Variants in ZNF10 observed in about 807,000 individuals in gnomAD.
The protein encoded by ZNF10 is zinc finger protein 10 (KOX 1).
In ZNF10, 8 loss-of-function variants were observed where a neutral mutation model predicts 12.2. That is an observed-to-expected ratio of 0.66 (90% CI 0.39 to 1.18). The LOEUF (loss-of-function observed/expected upper bound fraction) is 1.18. Ranked by LOEUF, ZNF10 falls within the 50% of genes most tolerant of loss-of-function variation. The probability of loss-of-function intolerance (pLI) is 0.01; values close to 1 mark genes in which losing one functional copy is unlikely to be tolerated. For missense variants in ZNF10, 603 were observed against 678.9 expected (o/e 0.89, Z 1.24); for synonymous variants, 229 against 228.2 (o/e 1.00, Z -0.03).
chr12:133,150,224 T>C (rs1955999430), intron 2 of ZNF10, among the ~76,000 whole-genome samples: 1 of 152,242 alleles, frequency 6.6e-6, no homozygotes, highest in Admixed American at 6.5e-5. Context: ...CCTGAAGAAC[T>C]TCCTTCAGCA....
chr12:133,150,612 T>G (rs1014146706), intron 2 of ZNF10, among the ~76,000 whole-genome samples: 3 of 152,132 alleles, frequency 2.0e-5, no homozygotes, highest in Admixed American at 6.5e-5. Flanking sequence ...GAAAAATGTT[T>G]TGGATAATTA....
chr12:133,146,349 T>TA (rs1264878574), intron 2 of ZNF10, among the ~76,000 whole-genome samples: 4 of 152,094 alleles, frequency 2.6e-5, no homozygotes, highest in African/African-American at 9.7e-5. Context: ...TTTGGTATAA[T>TA]CCACACAGCT....
chr12:133,133,555 T>C (rs541177160), intron 1 of ZNF10, among the ~76,000 whole-genome samples: 1 of 152,346 alleles, frequency 6.6e-6, no homozygotes, highest in Admixed American at 6.5e-5. Context: ...GAATAGGGCA[T>C]GGGCAGAGTC....
At chr12:133,132,262 T>C (rs1354647643) in intron 1 of ZNF10, among the ~76,000 whole-genome samples, 1 of 140,428 alleles carries the variant, frequency 7.1e-6, no homozygotes. Context: ...GTCAAGAAAA[T>C]CTGAGAATTT....
At chr12:133,153,155 G>A (rs927644958) in intron 4 of ZNF10, among the ~76,000 whole-genome samples, 2 of 151,802 alleles carry the variant, frequency 1.3e-5, no homozygotes, top group Non-Finnish European at 2.9e-5. Flanking sequence ...GGACCCAGCA[G>A]TTTATATTTT....
In ZNF10 at chr12:133,156,070, G is replaced by T. The variant is rs1417703587; in HGVS notation, c.824G>T (p.Ser275Ile). Residue 275 changes from serine to isoleucine, a missense_variant, in exon 5 of 5, where the codon AGC (serine) becomes ATC (isoleucine). Transcript: ENST00000248211. Reference sequence around the variant, plus strand: ...TGTAAGGAATGTGGAAAATTCTTCAGCTGGCGCTCTAATCTTACTAGGCAT... The same window carrying T: ...TGTAAGGAATGTGGAAAATTCTTCATCTGGCGCTCTAATCTTACTAGGCAT... ...YECKECGKFF[S>I]WRSNLTRHQL... The T allele has an allele frequency of 1.9e-6, 3 of 1,613,296 alleles. No individual in the cohort carries two copies. In the Admixed American group the frequency reaches 5.0e-5, roughly 27 times the overall value.
rs1368083794 is a variant in ZNF10, at chr12:133,158,244, A to G, written c.*1276A>G. 2 of 152,214 alleles carry G rather than the reference A, an allele frequency of 1.3e-5. No individual in the cohort carries two copies. Among genetic ancestry groups the G allele is most frequent in the Non-Finnish European group, 2.9e-5 (2 of 68,024 alleles). The allele number at this position is 152,214 out of a possible 1,614,324, so 9.4% of individuals were successfully genotyped here. On this transcript the variant is annotated 3_prime_UTR_variant, in exon 5 of 5. Transcript: ENST00000248211. Reference sequence around the variant, plus strand: ...CTTAGAATAGTGCCTGACATATATTATGTTCTCTGTAGTTACTGGCTGTGA... The same window carrying G: ...CTTAGAATAGTGCCTGACATATATTGTGTTCTCTGTAGTTACTGGCTGTGA...
rs539008243 is a variant in ZNF10 at position 133,155,023 on chromosome 12, A to G, written c.257-480A>G. On this transcript the variant is annotated intron_variant, in intron 4 of 4. Transcript: ENST00000248211. ...AACCTGGGAGGCGGAGGTTGCATTG[A>G]GCCAAGATTGTGTCATTGCACTCCA... Among the ~76,000 whole-genome samples, 5 of 151,986 alleles carry G rather than the reference A, an allele frequency of 3.3e-5. No individual in the cohort carries two copies. In the South Asian group the frequency reaches 1.0e-3, roughly 32 times the overall value.
Position 133,151,105 on chromosome 12 carries a change from C to G in ZNF10, c.111C>G (p.Ile37Met), listed in dbSNP as rs770889593. ...AGCTGCTGGACACTGCTCAGCAGATCGTGTACAGAAATGTGATGCTGGAGA... is the reference window on the plus strand; with the variant it reads ...AGCTGCTGGACACTGCTCAGCAGATGGTGTACAGAAATGTGATGCTGGAGA... ...EWKLLDTAQQIVYRNVMLENY... is the reference protein window; with the variant it reads ...EWKLLDTAQQMVYRNVMLENY... Residue 37 changes from isoleucine to methionine, a missense_variant, in exon 3 of 5, where the codon ATC (isoleucine) becomes ATG (methionine). Physicochemically the swap from Ile to Met is conservative, Grantham distance 10 (BLOSUM62 1). Around this residue, in one of 3 missense-constraint regions of ZNF10, gnomAD observed 393 missense variants for 399.7 expected, o/e 0.98. Transcript: ENST00000248211. 1.2e-6 allele frequency: 2 copies of G among 1,613,688 alleles called. No homozygotes were observed. Among genetic ancestry groups the G allele is most frequent in the Non-Finnish European group, 1.7e-6 (2 of 1,179,792 alleles).
chr12:133,155,431 T>C (rs780652522), intron 4 of ZNF10, 72 bp from the exon 5 acceptor site: 254 of 1,457,004 alleles, frequency 1.7e-4, no homozygotes, highest in Admixed American at 4.8e-4. Flanking sequence ...GCATACTTTG[T>C]CTCCACATAC....
intron 4 of ZNF10, among the ~76,000 whole-genome samples, chr12:133,154,814 C>T (rs12319764): frequency 0.34 from 51,932 of 152,056 alleles, 9,306 homozygotes; most frequent in African/African-American, 0.42. Context: ...CACTGGCTCA[C>T]GCCTATAATC....
Position 133,155,744 on chromosome 12 carries a change from T to C in ZNF10, c.498T>C (p.Ser166=). The C allele has an allele frequency of 6.2e-7, 1 of 1,612,304 alleles. No homozygotes were observed. Among genetic ancestry groups the C allele is most frequent in the Middle Eastern group, 1.7e-4 (1 of 6,038 alleles). The stretch of plus-strand genomic sequence containing the variant: ...TTACTCAGGAGAGAGTCTCTGAAAG[T>C]GGTAAATATGGGGGAAACTGTCTTC... The part of the protein sequence containing the change: ...KVLTQERVSE[S]GKYGGNCLLP... The change falls in exon 5 of 5, where the codon AGT becomes AGC. Residue 166 remains serine, a synonymous_variant. Coordinates refer to ENST00000248211, the MANE Select transcript of ZNF10 (RefSeq NM_015394.5).
At chr12:133,155,089 AAG>A (rs916920729) in intron 4 of ZNF10, among the ~76,000 whole-genome samples, 2 of 152,066 alleles carry the variant, frequency 1.3e-5, no homozygotes, top group Admixed American at 6.5e-5. Context: ...AAAAAAAAAA[AAG>A]AGAGAGAATA....
chr12:133,138,755 ACCCATGT>A (rs1395982625), intron 1 of ZNF10, among the ~76,000 whole-genome samples: 3 of 152,148 alleles, frequency 2.0e-5, no homozygotes, highest in Non-Finnish European at 4.4e-5. Context: ...TGAGGGAAGG[ACCCATGT>A]CTGAATGGCT....
intron 2 of ZNF10, among the ~76,000 whole-genome samples, chr12:133,149,503 A>G (rs1187480985): frequency 6.6e-6 from 1 of 151,504 alleles, no homozygotes; most frequent in African/African-American, 2.4e-5. Context: ...GACTACAGGC[A>G]CATGCCACCA....
At chr12:133,139,730 G>A (rs1004892144) in intron 1 of ZNF10, among the ~76,000 whole-genome samples, 1 of 152,062 alleles carries the variant, frequency 6.6e-6, no homozygotes, top group African/African-American at 2.4e-5. Context: ...CTGATTGGAT[G>A]TTAAAAAGAA....
At chr12:133,149,655 T>G (rs569489741) in intron 2 of ZNF10, among the ~76,000 whole-genome samples, 337 of 151,560 alleles carry the variant, frequency 2.2e-3, no homozygotes, top group Middle Eastern at 0.02. Flanking sequence ...CTGCACCCGG[T>G]TGCTTTTTTT....
intron 1 of ZNF10, among the ~76,000 whole-genome samples, chr12:133,141,135 C>T (rs1955942417): frequency 6.6e-6 from 1 of 152,158 alleles, no homozygotes; most frequent in Admixed American, 6.6e-5. Context: ...GAAGGTCTTG[C>T]TTCAGTAATG....
In ZNF10 at chr12:133,158,332, T is replaced by C. The variant is rs1320179778; in HGVS notation, c.*1364T>C. 4 of 152,208 alleles carry C rather than the reference T, an allele frequency of 2.6e-5. No individual in the cohort carries two copies. The East Asian group carries it at 7.7e-4, about 29-fold the overall frequency. The allele number at this position is 152,208 out of a possible 1,614,324, so 9.4% of individuals were successfully genotyped here. Reference sequence around the variant, plus strand: ...TAATTGAAATCTGCTTGTGTGCTTATAAGAATTTACTGAGTTCTCACTTCC... The same window carrying C: ...TAATTGAAATCTGCTTGTGTGCTTACAAGAATTTACTGAGTTCTCACTTCC... On this transcript the variant is annotated 3_prime_UTR_variant, in exon 5 of 5. Coordinates refer to ENST00000248211, the MANE Select transcript of ZNF10 (RefSeq NM_015394.5).
Sources: gnomAD v4.1 joint callset for allele counts (sites outside exome capture counted in the v4.1 genomes callset) on GRCh38, gnomAD v4.1.1 for gene constraint, gnomAD v4.1.1 regional missense constraint, MANE v1.5 for transcripts, NCBI Gene and HGNC (gene_info 2026-07-23, HGNC 2026-07-21) for gene names.